OSBPL10: variants seen among roughly 807,000 people sequenced by gnomAD.
OSBPL10 encodes oxysterol-binding protein-related protein 10.
A neutral mutation model predicts 81.7 loss-of-function variants in OSBPL10; 49 were observed. The observed-to-expected ratio is 0.60, with a 90% CI of 0.48 to 0.76. OSBPL10 has a LOEUF of 0.76. Ranked by LOEUF, OSBPL10 falls within the 30% of genes least tolerant of loss-of-function variation. The pLI is 0.00. For missense variants in OSBPL10, 923 were observed against 987.8 expected (o/e 0.93, Z 0.88); for synonymous variants, 419 against 383.6 (o/e 1.09, Z -1.08).
chr3:31,911,997 CAAT>C (rs896395491), intron 1 of OSBPL10, among the ~76,000 whole-genome samples: 29 of 151,884 alleles, frequency 1.9e-4, no homozygotes, highest in African/African-American at 6.8e-4. Flanking sequence ...GGTTGCAAAA[CAAT>C]GTGAATGTAC....
chr3:31,750,188 A>C (rs1338731601), intron 4 of OSBPL10, among the ~76,000 whole-genome samples: 1 of 151,740 alleles, frequency 6.6e-6, no homozygotes, highest in East Asian at 2.0e-4. Flanking sequence ...TCTCCAAAAA[A>C]TAAAAAATAA....
chr3:31,812,800 AAGAAAG>A, intron 4 of OSBPL10, among the ~76,000 whole-genome samples: 1 of 55,692 alleles, frequency 1.8e-5, no homozygotes. Flanking sequence ...GAAAGAAAGA[AAGAAAG>A]AAAGAAAGAA....
intron 4 of OSBPL10, among the ~76,000 whole-genome samples, chr3:31,806,589 C>A (rs1436202430): frequency 2.0e-5 from 3 of 152,210 alleles, no homozygotes; most frequent in Non-Finnish European, 4.4e-5. Context: ...TGAAGCTTTA[C>A]GTCCTAGTGT....
At chr3:31,848,056 G>A (rs1183998344) in intron 3 of OSBPL10, among the ~76,000 whole-genome samples, 1 of 152,130 alleles carries the variant, frequency 6.6e-6, no homozygotes, top group African/African-American at 2.4e-5. Flanking sequence ...GGAGAGCAGG[G>A]ACCCTGGGAA....
chr3:31,791,470 G>A (rs1366070062), intron 4 of OSBPL10, among the ~76,000 whole-genome samples: 2 of 152,162 alleles, frequency 1.3e-5, no homozygotes, highest in Admixed American at 1.3e-4. Flanking sequence ...TTTTCTGATA[G>A]CCTTGCATCA....
intron 7 of OSBPL10, among the ~76,000 whole-genome samples, chr3:31,685,806 C>A (rs1458810067): frequency 2.6e-5 from 4 of 152,196 alleles, no homozygotes; most frequent in Non-Finnish European, 5.9e-5. Flanking sequence ...GATTCCAACA[C>A]CCTTCCCTGC....
chr3:31,948,188 G>A (rs531671680), intron 1 of OSBPL10, among the ~76,000 whole-genome samples: 1 of 152,188 alleles, frequency 6.6e-6, no homozygotes. Context: ...AAGGGGATCT[G>A]TGCAGGGCAC....
intron 2 of OSBPL10, among the ~76,000 whole-genome samples, chr3:32,031,447 AAGG>A (rs1173734359): frequency 4.0e-5 from 6 of 151,636 alleles, no homozygotes; most frequent in African/African-American, 1.2e-4. Flanking sequence ...TTTAACCTGA[AAGG>A]CTTCTTAAAT....
intron 4 of OSBPL10, among the ~76,000 whole-genome samples, chr3:31,777,391 A>G (rs1420656356): frequency 6.6e-6 from 1 of 152,118 alleles, no homozygotes; most frequent in African/African-American, 2.4e-5. Context: ...TTGTCCCCCT[A>G]GCCTGCTGGT....
At chr3:31,755,273 CA>C (rs1230342410) in intron 4 of OSBPL10, among the ~76,000 whole-genome samples, 1 of 152,160 alleles carries the variant, frequency 6.6e-6, no homozygotes, top group Non-Finnish European at 1.5e-5. Flanking sequence ...GGCCCGAAGT[CA>C]TTTTTTTATG....
Position 31,884,117 on chromosome 3 carries a change from C to A in OSBPL10, c.282-4287G>T, listed in dbSNP as rs143800201. On this transcript the variant is annotated intron_variant, in intron 1 of 11. Coordinates refer to ENST00000396556, the MANE Select transcript of OSBPL10 (RefSeq NM_017784.5). ...AGCTGGTATAAAGAAATGAATTGAA[C>A]GCTGTTTTATTTTTTCAGTAAGTAT... Among the ~76,000 whole-genome samples the A allele has an allele frequency of 3.5e-4, 54 of 152,208 alleles. 2 individuals are homozygous for A. Among genetic ancestry groups the A allele is most frequent in the African/African-American group, 1.2e-3 (50 of 41,526 alleles).
In OSBPL10 at chr3:31,769,470, CA is replaced by C. The variant is rs371765636; in HGVS notation, c.730-21351del. Among the ~76,000 whole-genome samples, 2 of 28,854 alleles carry C rather than the reference CA, an allele frequency of 6.9e-5. 1 individual carries two copies. The highest frequency in any genetic ancestry group is 2.1e-4 in the African/African-American group (2 of 9,520). The allele number at this position is 28,854 out of a possible 152,430, so 18.9% of individuals were successfully genotyped here. ...CAAAAAAAAAAAAACAAAAAAAAAACAAAAAAAAACAGAATAAAAATATATT... is the reference window on the plus strand; with the variant it reads ...CAAAAAAAAAAAAACAAAAAAAAAACAAAAAAAACAGAATAAAAATATATT... On this transcript the variant is annotated intron_variant, in intron 4 of 11. Transcript: ENST00000396556.
At chr3:31,856,329 T>C (rs577091145) in intron 3 of OSBPL10, among the ~76,000 whole-genome samples, 2 of 152,208 alleles carry the variant, frequency 1.3e-5, no homozygotes, top group Admixed American at 1.3e-4. Flanking sequence ...CTTAATTTGA[T>C]GGTATGTTTA....
chr3:31,991,578 A>C (rs1699030377), intron 2 of OSBPL10: 1 of 166,702 alleles, frequency 6.0e-6, no homozygotes, highest in Non-Finnish European at 1.5e-5. Flanking sequence ...AATTTAACTA[A>C]TTTTTGGTAC....
Position 31,963,505 on chromosome 3 carries a change from C to A in OSBPL10, c.281+17394G>T, listed in dbSNP as rs937287712. ...TGACAGCAGGAGTGATGCACAGATT[C>A]TAAAACAATGATTTGAAGGCTCACT... On this transcript the variant is annotated intron_variant, in intron 1 of 11. Transcript: ENST00000396556. Among the ~76,000 whole-genome samples, 3 of 152,122 alleles carry A rather than the reference C, an allele frequency of 2.0e-5. No homozygotes were observed. In the East Asian group the frequency reaches 5.8e-4, roughly 29 times the overall value.
intron 1 of OSBPL10, among the ~76,000 whole-genome samples, chr3:31,963,160 C>T (rs899108532): frequency 2.0e-5 from 3 of 152,004 alleles, no homozygotes; most frequent in African/African-American, 7.3e-5. Flanking sequence ...CGTACATCTG[C>T]TTTATCATGC....
intron 2 of OSBPL10, chr3:31,989,641 T>C (rs1340565411): frequency 6.2e-7 from 1 of 1,614,090 alleles, no homozygotes; most frequent in Non-Finnish European, 8.5e-7. Context: ...CGATGCTTCC[T>C]CAGTTCTAAC....
At chr3:32,038,552 C>G (rs1380978577) in intron 2 of OSBPL10, among the ~76,000 whole-genome samples, 1 of 152,120 alleles carries the variant, frequency 6.6e-6, no homozygotes, top group African/African-American at 2.4e-5. Flanking sequence ...AAACTCCTGG[C>G]CTCAAGTGAT....
chr3:31,689,093 G>A (rs1388531677), intron 7 of OSBPL10, among the ~76,000 whole-genome samples: 1 of 151,692 alleles, frequency 6.6e-6, no homozygotes, highest in Non-Finnish European at 1.5e-5. Flanking sequence ...TGCCCAAATT[G>A]TTTAGTCTGG....
Sources: gnomAD v4.1 joint callset for allele counts (sites outside exome capture counted in the v4.1 genomes callset) on GRCh38, gnomAD v4.1.1 for gene constraint, MANE v1.5 for transcripts, NCBI Gene and HGNC (gene_info 2026-07-23, HGNC 2026-07-21) for gene names.